Variants in TMOD3 observed in about 807,000 individuals in gnomAD.
The protein encoded by TMOD3 is tropomodulin-3.
Under a neutral mutation model 39.2 loss-of-function variants are expected in TMOD3, and 20 were observed. The ratio of observed to expected loss-of-function variants is 0.51; its 90% CI spans 0.36 to 0.74. TMOD3 has a LOEUF of 0.74. Among genes scored for constraint, TMOD3 ranks in the 30% least tolerant of loss-of-function variants. The pLI is 0.00. For synonymous variants in TMOD3, 143 were observed against 145.8 expected, an observed-to-expected ratio of 0.98 and a Z score of 0.14; for missense variants, 381 against 412.8, an observed-to-expected ratio of 0.92 and a Z score of 0.67.
chr15:51,911,497 C>CT lies in TMOD3; in HGVS notation c.*2690dup, dbSNP rs1421647494. 6.6e-6 allele frequency: 1 copy of CT among 152,062 alleles called. No individual in the cohort carries two copies. Among genetic ancestry groups the CT allele is most frequent in the East Asian group, 1.9e-4 (1 of 5,204 alleles). 9.4% of individuals were successfully genotyped at this position (152,062 alleles called of 1,614,324 possible). On this transcript the variant is annotated 3_prime_UTR_variant, in exon 10 of 10. Coordinates refer to ENST00000308580, the MANE Select transcript of TMOD3 (RefSeq NM_014547.5). Reference sequence around the variant, plus strand: ...TTAAAAATCTGGCACCTCTTAGTAACTTTCAGTATTTCTAAATTGCTCTAA... The same window carrying CT: ...TTAAAAATCTGGCACCTCTTAGTAACTTTTCAGTATTTCTAAATTGCTCTAA...
chr15:51,838,142 T>C lies in TMOD3; in HGVS notation c.-75+8306T>C, dbSNP rs138908218. 2.0e-5 allele frequency among the ~76,000 whole-genome samples: 3 copies of C among 152,294 alleles called. No homozygotes were observed. The East Asian group carries it at 5.8e-4, about 29-fold the overall frequency. On this transcript the variant is annotated intron_variant, in intron 1 of 9. Coordinates refer to ENST00000308580, the MANE Select transcript of TMOD3 (RefSeq NM_014547.5). ...CCCTTTACTTTTCTTCTTCTTGCCC[T>C]GGATTCCCTCCCAGCTCCAACCTTT...
intron 1 of TMOD3, among the ~76,000 whole-genome samples, chr15:51,849,247 TACATGGGAAAA>T (rs549807319): frequency 6.3e-4 from 96 of 152,318 alleles, no homozygotes; most frequent in African/African-American, 2.2e-3. Flanking sequence ...TGCTGTTTAT[TACATGGGAAAA>T]ACATGGCAAG....
intron 3 of TMOD3, among the ~76,000 whole-genome samples, chr15:51,870,429 T>TG (rs1323584408): frequency 6.6e-6 from 1 of 152,200 alleles, no homozygotes; most frequent in African/African-American, 2.4e-5. Context: ...GATCAGCTCT[T>TG]GCAGGCACCA....
intron 9 of TMOD3, among the ~76,000 whole-genome samples, chr15:51,906,493 C>T (rs1052681529): frequency 6.6e-6 from 1 of 152,208 alleles, no homozygotes; most frequent in Non-Finnish European, 1.5e-5. Flanking sequence ...AGTGTCACAG[C>T]TGTAACAGCA....
intron 3 of TMOD3, among the ~76,000 whole-genome samples, chr15:51,874,340 G>A (rs2056490824): frequency 6.6e-6 from 1 of 152,206 alleles, no homozygotes; most frequent in African/African-American, 2.4e-5. Context: ...AAAGAAGAAA[G>A]TAATCCTAAT....
rs541528591 is a variant in TMOD3 at position 51,910,435 on chromosome 15, G to A, written c.*1625G>A. On this transcript the variant is annotated 3_prime_UTR_variant, in exon 10 of 10. Coordinates refer to ENST00000308580, the MANE Select transcript of TMOD3 (RefSeq NM_014547.5). The stretch of plus-strand genomic sequence containing the variant: ...TACTAAAAATCAAAAAAGTAGCCGG[G>A]TGTGGTGGTGCACACCTGTAATCCC... 3.3e-5 allele frequency: 5 copies of A among 152,486 alleles called. No individual in the cohort carries two copies. Among genetic ancestry groups the A allele is most frequent in the Admixed American group, 6.5e-5 (1 of 15,294 alleles). 9.4% of individuals were successfully genotyped at this position (152,486 alleles called of 1,614,324 possible).
chr15:51,853,393 G>A (rs1567263967), intron 1 of TMOD3, among the ~76,000 whole-genome samples: 1 of 152,080 alleles, frequency 6.6e-6, no homozygotes, highest in Non-Finnish European at 1.5e-5. Context: ...AGAGATGGGG[G>A]TCTCACTATG....
chr15:51,900,345 G>C, intron 8 of TMOD3, 47 bp downstream of exon 8: 18 of 1,596,224 alleles, frequency 1.1e-5, no homozygotes, highest in Non-Finnish European at 1.5e-5. Context: ...AGCCCACGCT[G>C]CTGTGTAGGG....
chr15:51,890,507 G>C (rs930467331), intron 5 of TMOD3, among the ~76,000 whole-genome samples: 1 of 152,040 alleles, frequency 6.6e-6, no homozygotes, highest in Non-Finnish European at 1.5e-5. Flanking sequence ...TGTGGGCCAT[G>C]TTGTGTGCAC....
intron 2 of TMOD3, among the ~76,000 whole-genome samples, chr15:51,865,367 T>C (rs1443178072): frequency 6.6e-6 from 1 of 152,144 alleles, no homozygotes; most frequent in East Asian, 1.9e-4. Context: ...CTTGCCTCAG[T>C]TATTACAATT....
At chr15:51,894,543 G>A (rs536535583) in intron 6 of TMOD3, among the ~76,000 whole-genome samples, 3 of 152,006 alleles carry the variant, frequency 2.0e-5, no homozygotes, top group East Asian at 3.8e-4. Context: ...ATCTGTCACC[G>A]CAAAAGTTCT....
chr15:51,848,192 C>CTT (rs2056345231), intron 1 of TMOD3, among the ~76,000 whole-genome samples: 1 of 152,174 alleles, frequency 6.6e-6, no homozygotes, highest in African/African-American at 2.4e-5. Context: ...TTTGTTATAG[C>CTT]AGCCTAAATG....
chr15:51,905,977 A>AAAAAAAG (rs2056678397), intron 9 of TMOD3, among the ~76,000 whole-genome samples: 4 of 140,524 alleles, frequency 2.8e-5, no homozygotes, highest in African/African-American at 1.1e-4. Context: ...AAAAAAAAAA[A>AAAAAAAG]AAAGAAATTG....
At chr15:51,834,381 TTTC>T (rs2056270906) in intron 1 of TMOD3, among the ~76,000 whole-genome samples, 1 of 152,210 alleles carries the variant, frequency 6.6e-6, no homozygotes, top group Non-Finnish European at 1.5e-5. Context: ...AAGAAAGCTT[TTTC>T]TTCTAGAAAC....
intron 1 of TMOD3, chr15:51,860,110 G>T (rs184860251): frequency 2.1e-6 from 1 of 484,838 alleles, no homozygotes; most frequent in Non-Finnish European, 4.1e-6. Context: ...TAGGCTGTAC[G>T]CTGCTCTTCT....
chr15:51,879,266 C>T (rs985386030), intron 3 of TMOD3, among the ~76,000 whole-genome samples: 11 of 152,058 alleles, frequency 7.2e-5, no homozygotes, highest in East Asian at 1.9e-4. Flanking sequence ...ACTGTTTCAA[C>T]GCTCTTAGCA....
intron 1 of TMOD3, chr15:51,859,965 T>G (rs2056408643): frequency 1.8e-6 from 1 of 545,866 alleles, no homozygotes; most frequent in Admixed American, 1.9e-5. Flanking sequence ...TTTGTCTTCT[T>G]AGTAAATCTT....
At chr15:51,904,020 G>A (rs2056665660) in intron 9 of TMOD3, among the ~76,000 whole-genome samples, 1 of 152,146 alleles carries the variant, frequency 6.6e-6, no homozygotes, top group Non-Finnish European at 1.5e-5. Context: ...TAACTAACTT[G>A]CCAAAAAACA....
intron 1 of TMOD3, among the ~76,000 whole-genome samples, chr15:51,832,231 A>ATATATATATATATATATATATATC: frequency 7.3e-6 from 1 of 136,556 alleles, no homozygotes; most frequent in Non-Finnish European, 1.6e-5. Flanking sequence ...ATATATATAT[A>ATATATATATATATATATATATATC]TGAATGACAT....
Sources: gnomAD v4.1 joint callset for allele counts (sites outside exome capture counted in the v4.1 genomes callset) on GRCh38, gnomAD v4.1.1 for gene constraint, MANE v1.5 for transcripts, NCBI Gene and HGNC (gene_info 2026-07-23, HGNC 2026-07-21) for gene names.